Variants in SLC17A3 observed in about 807,000 individuals in gnomAD.
SLC17A3 encodes sodium-dependent phosphate transport protein 4.
A neutral mutation model predicts 60.3 loss-of-function variants in SLC17A3; 61 were observed. The ratio of observed to expected loss-of-function variants is 1.01; its 90% CI spans 0.82 to 1.25. The LOEUF is 1.25. SLC17A3 is among the 50% of genes most tolerant of loss of function. The probability of loss-of-function intolerance (pLI) is 0.00; values close to 1 mark genes in which losing one functional copy is unlikely to be tolerated. For synonymous variants in SLC17A3, 192 were observed against 208.9 expected, an observed-to-expected ratio of 0.92 and a Z score of 0.70; for missense variants, 624 against 594.9, an observed-to-expected ratio of 1.05 and a Z score of -0.51.
At chr6:25,853,725 T>C (rs1055556090) in intron 6 of SLC17A3, among the ~76,000 whole-genome samples, 14 of 152,232 alleles carry the variant, frequency 9.2e-5, no homozygotes, top group African/African-American at 2.6e-4. Flanking sequence ...GCCTTCTGCA[T>C]GTATTTTTGT....
At chr6:25,849,715 A>G (rs1765238540) in intron 10 of SLC17A3, 90 bp downstream of exon 10, 2 of 1,435,436 alleles carry the variant, frequency 1.4e-6, no homozygotes, top group Non-Finnish European at 2.0e-6. Flanking sequence ...CCTATGGTTT[A>G]TTCATTTCCT....
intron 10 of SLC17A3, 138 bp downstream of exon 10, chr6:25,849,667 C>T (rs1204002350): frequency 3.0e-6 from 3 of 985,422 alleles, no homozygotes; most frequent in Non-Finnish European, 3.2e-6. Context: ...CTCAACATAC[C>T]TGAAAAAAAC....
chr6:25,862,310 G>A lies in SLC17A3; in HGVS notation c.226C>T (p.Leu76Phe), dbSNP rs1765463967. 1 of 1,613,756 alleles carries A rather than the reference G, an allele frequency of 6.2e-7. No individual in the cohort carries two copies. The highest frequency in any genetic ancestry group is 1.7e-5 in the Admixed American group (1 of 59,970). ...GGCAGCACCTCAGAGGAATCATTGA[G>A]CTGGGATTGAGGGCTTGTGCTGTTG... ...MVNSTSPQSQ[L>F]NDSSEVLPVD... The change falls in exon 3 of 13, where the codon CTC becomes TTC. Residue 76 changes from leucine (L) to phenylalanine (F), a missense_variant. Physicochemically the swap from Leu to Phe is conservative, Grantham distance 22. Coordinates refer to ENST00000397060, the MANE Select transcript of SLC17A3 (RefSeq NM_001098486.2).
intron 2 of SLC17A3, among the ~76,000 whole-genome samples, chr6:25,864,792 A>G (rs1391049509): frequency 6.6e-6 from 1 of 152,012 alleles, no homozygotes; most frequent in Non-Finnish European, 1.5e-5. Context: ...ATTGGGAGTT[A>G]ATAACCTACA....
chr6:25,855,482 C>T, intron 5 of SLC17A3, among the ~76,000 whole-genome samples: 1 of 152,166 alleles, frequency 6.6e-6, no homozygotes, highest in South Asian at 2.1e-4. Context: ...CTTTTAATTA[C>T]ACAAGTTATA....
At position 25,861,164 on chromosome 6, in the gene SLC17A3, A is replaced by G. The variant is rs555885515; in HGVS notation, c.625+460T>C. 2.6e-5 allele frequency among the ~76,000 whole-genome samples: 4 copies of G among 152,282 alleles called. No homozygotes were observed. The East Asian group carries it at 7.7e-4, about 29-fold the overall frequency. Reference sequence around the variant, plus strand: ...TCAGAGCACAGTATCCAGGCAGATCATTGTCAGCAAGAAGTTCTCAGGACA... The same window carrying G: ...TCAGAGCACAGTATCCAGGCAGATCGTTGTCAGCAAGAAGTTCTCAGGACA... On this transcript the variant is annotated intron_variant, in intron 5 of 12. Transcript: ENST00000397060.
At chr6:25,871,848 GA>G (rs1223207462) in intron 1 of SLC17A3, among the ~76,000 whole-genome samples, 1 of 151,886 alleles carries the variant, frequency 6.6e-6, no homozygotes, top group Non-Finnish European at 1.5e-5. Flanking sequence ...AAAGAGAAAT[GA>G]AACAACCAAA....
intron 11 of SLC17A3, among the ~76,000 whole-genome samples, chr6:25,848,607 G>A (rs1402950626): frequency 6.6e-6 from 1 of 152,184 alleles, no homozygotes. Context: ...ACTGAAGATA[G>A]ATCAAGGACT....
At chr6:25,862,757 T>C (rs1320895832) in intron 2 of SLC17A3, among the ~76,000 whole-genome samples, 1 of 151,902 alleles carries the variant, frequency 6.6e-6, no homozygotes, top group African/African-American at 2.4e-5. Context: ...TGCATATACA[T>C]ATGTGTGTGT....
Position 25,849,805 on chromosome 6 carries a change from C to A in SLC17A3, c.1271G>T (p.Arg424Met). 1.2e-6 allele frequency: 2 copies of A among 1,613,566 alleles called. No individual in the cohort carries two copies. The highest frequency in any genetic ancestry group is 1.7e-6 in the Non-Finnish European group (2 of 1,179,570). The change falls in exon 10 of 13, where the codon AGG becomes ATG. Residue 424 changes from arginine to methionine, a missense_variant and splice_region_variant. Coordinates refer to ENST00000397060, the MANE Select transcript of SLC17A3 (RefSeq NM_001098486.2). Reference sequence around the variant, plus strand: ...CTGATAGTGGAGATCAGAGTCCTACCTTGGAGCAATATCTAAGACATTGAT... The same window carrying A: ...CTGATAGTGGAGATCAGAGTCCTACATTGGAGCAATATCTAAGACATTGAT... ...IYINVLDIAP[R>M]YSSFLMGASR...
chr6:25,858,058 C>T (rs2151522872), intron 5 of SLC17A3, among the ~76,000 whole-genome samples: 1 of 152,200 alleles, frequency 6.6e-6, no homozygotes, highest in African/African-American at 2.4e-5. Context: ...TTCTGTTACC[C>T]AGGCTGGAGT....
rs1765157257 is a variant in SLC17A3, at chr6:25,845,473, G to A, written c.1406C>T (p.Ala469Val). The change falls in exon 12 of 13, where the codon GCC becomes GTC. Residue 469 changes from alanine to valine, a missense_variant. Transcript: ENST00000397060. ...GAAGAGTAGTCCTAACAGGTTAACGGCAAACAGCAAGAAGAAGACATTCCT... is the reference window on the plus strand; with the variant it reads ...GAAGAGTAGTCCTAACAGGTTAACGACAAACAGCAAGAAGAAGACATTCCT... ...GWRNVFFLLF[A>V]VNLLGLLFYL... 6.2e-7 allele frequency: 1 copy of A among 1,613,970 alleles called. No individual in the cohort carries two copies. Among genetic ancestry groups the A allele is most frequent in the Admixed American group, 1.7e-5 (1 of 60,018 alleles).
At chr6:25,851,610 T>C (rs964420956) in intron 6 of SLC17A3, among the ~76,000 whole-genome samples, 2 of 152,148 alleles carry the variant, frequency 1.3e-5, no homozygotes, top group Admixed American at 6.5e-5. Context: ...TTTTTTTGCA[T>C]GTGGATATCC....
In SLC17A3 at chr6:25,845,368, A is replaced by C; in HGVS notation, c.*2+12T>G. 6.2e-7 allele frequency: 1 copy of C among 1,613,866 alleles called. No homozygotes were observed. Among genetic ancestry groups the C allele is most frequent in the East Asian group, 2.2e-5 (1 of 44,838 alleles). Reference sequence around the variant, plus strand: ...TATGGCTATAACCATGCATAAAATCACTATCCTTTACCTTCATAAACGAGT... The same window carrying C: ...TATGGCTATAACCATGCATAAAATCCCTATCCTTTACCTTCATAAACGAGT... On this transcript the variant is annotated intron_variant, in intron 12 of 12. Transcript: ENST00000397060.
intron 11 of SLC17A3, among the ~76,000 whole-genome samples, chr6:25,846,145 G>T (rs71557308): frequency 0.011 from 1,565 of 136,330 alleles, 15 homozygotes; most frequent in Middle Eastern, 0.017. Flanking sequence ...TAGAAATTTT[G>T]TTTTTTTAAA....
intron 5 of SLC17A3, among the ~76,000 whole-genome samples, chr6:25,855,566 C>T (rs59335511): frequency 1.0e-3 from 152 of 152,280 alleles, no homozygotes; most frequent in African/African-American, 3.1e-3. Flanking sequence ...CATTCTCACT[C>T]GTCTCTGTAA....
intron 1 of SLC17A3, 82 bp from the exon 2 acceptor site, chr6:25,868,502 G>GA (rs1314594782): frequency 7.3e-5 from 68 of 931,826 alleles, no homozygotes; most frequent in South Asian, 8.7e-5. Flanking sequence ...GGGCACCAAG[G>GA]AAAAAAAAGC....
intron 1 of SLC17A3, among the ~76,000 whole-genome samples, chr6:25,869,316 AAT>A (rs1189984182): frequency 6.6e-6 from 1 of 151,950 alleles, no homozygotes; most frequent in Non-Finnish European, 1.5e-5. Context: ...AAAGTCTCAA[AAT>A]ATATAACTGC....
chr6:25,870,487 G>T (rs1243124789), intron 1 of SLC17A3, among the ~76,000 whole-genome samples: 1 of 151,964 alleles, frequency 6.6e-6, no homozygotes. Context: ...CCTACTAGGG[G>T]CTCTGCTTGG....
Sources: gnomAD v4.1 joint callset for allele counts (sites outside exome capture counted in the v4.1 genomes callset) on GRCh38, gnomAD v4.1.1 for gene constraint, MANE v1.5 for transcripts, NCBI Gene and HGNC (gene_info 2026-07-23, HGNC 2026-07-21) for gene names.